The following DLGAP2 variants were observed in gnomAD, a reference collection of about 807,000 sequenced individuals.
The protein encoded by DLGAP2 is DLG associated protein 2.
In DLGAP2, 26 loss-of-function variants were observed where a neutral mutation model predicts 100.3. That is an observed-to-expected ratio of 0.26 (90% confidence interval 0.19 to 0.36). The LOEUF is 0.36. Ranked by LOEUF, DLGAP2 falls within the 10% of genes least tolerant of loss-of-function variation. The probability of loss-of-function intolerance (pLI) is 1.00; values close to 1 mark genes in which losing one functional copy is unlikely to be tolerated. For synonymous variants in DLGAP2, 886 were observed against 630.1 expected (o/e 1.41, Z -6.08); for missense variants, 1,858 against 1,453.2 (o/e 1.28, Z -4.53).
At chr8:1,285,843 C>A (rs1263878391) in intron 3 of DLGAP2, among the ~76,000 whole-genome samples, 1 of 152,146 alleles carries the variant, frequency 6.6e-6, no homozygotes, top group Non-Finnish European at 1.5e-5. Context: ...GTGGCACACA[C>A]CTGCAACCCC....
intron 2 of DLGAP2, among the ~76,000 whole-genome samples, chr8:997,519 A>G (rs1476113617): frequency 6.6e-6 from 1 of 152,222 alleles, no homozygotes; most frequent in Admixed American, 6.5e-5. Flanking sequence ...CACACACAGT[A>G]TAAAATGTAG....
At chr8:1,193,979 C>T (rs545975594) in intron 2 of DLGAP2, among the ~76,000 whole-genome samples, 133 of 152,232 alleles carry the variant, frequency 8.7e-4, no homozygotes, top group Admixed American at 1.9e-3. Flanking sequence ...GGAAGGAAGT[C>T]GTAGTATCTG....
chr8:1,089,222 G>A (rs1328488568), intron 2 of DLGAP2, among the ~76,000 whole-genome samples: 1 of 152,190 alleles, frequency 6.6e-6, no homozygotes, highest in Non-Finnish European at 1.5e-5. Flanking sequence ...CATAGTAGCT[G>A]CTGCAAAAGT....
intron 4 of DLGAP2, among the ~76,000 whole-genome samples, chr8:1,544,590 C>G (rs1403036408): frequency 6.6e-6 from 1 of 152,118 alleles, no homozygotes; most frequent in African/African-American, 2.4e-5. Context: ...TGGCCTTTTC[C>G]CCTTTGTTCT....
intron 1 of DLGAP2, among the ~76,000 whole-genome samples, chr8:879,646 A>T (rs769002986): frequency 1.4e-4 from 22 of 152,194 alleles, no homozygotes; most frequent in Admixed American, 5.9e-4. Flanking sequence ...CTTGTGCTAC[A>T]ACCTCCCTTC....
chr8:1,516,075 A>C (rs1006473345), intron 4 of DLGAP2, among the ~76,000 whole-genome samples: 3 of 150,986 alleles, frequency 2.0e-5, no homozygotes, highest in Non-Finnish European at 4.4e-5. Flanking sequence ...GTAAAAAAGT[A>C]CATGAATGAG....
At chr8:796,545 C>G (rs1027574760) in intron 1 of DLGAP2, among the ~76,000 whole-genome samples, 1 of 152,200 alleles carries the variant, frequency 6.6e-6, no homozygotes, top group Non-Finnish European at 1.5e-5. Flanking sequence ...ATGCCACTCC[C>G]TTTGCTCAGG....
intron 6 of DLGAP2, among the ~76,000 whole-genome samples, chr8:1,598,379 A>T (rs1295316001): frequency 6.6e-6 from 1 of 152,238 alleles, no homozygotes; most frequent in African/African-American, 2.4e-5. Flanking sequence ...CTGGCCTCAT[A>T]AAATGAGTTA....
intron 3 of DLGAP2, among the ~76,000 whole-genome samples, chr8:1,326,488 C>T (rs1801024199): frequency 6.6e-6 from 1 of 152,036 alleles, no homozygotes; most frequent in Non-Finnish European, 1.5e-5. Flanking sequence ...CGGTCTCGGT[C>T]CGGGCCTGTC....
chr8:1,169,489 T>C (rs78449490), intron 2 of DLGAP2, among the ~76,000 whole-genome samples: 86,168 of 151,952 alleles, frequency 0.57, 25,265 homozygotes, highest in Admixed American at 0.66. Flanking sequence ...GCCATTTTCA[T>C]GATATTGATT....
chr8:1,086,708 A>C (rs1370771480), intron 2 of DLGAP2, among the ~76,000 whole-genome samples: 1 of 152,212 alleles, frequency 6.6e-6, no homozygotes, highest in Non-Finnish European at 1.5e-5. Context: ...AAGAATATGT[A>C]ACAATGATAA....
intron 3 of DLGAP2, among the ~76,000 whole-genome samples, chr8:1,478,251 T>C (rs1397322869): frequency 6.6e-6 from 1 of 152,224 alleles, no homozygotes; most frequent in Non-Finnish European, 1.5e-5. Flanking sequence ...TTCTCTGAAC[T>C]GTCTGGGGTA....
At chr8:817,775 C>T (rs1053246241) in intron 1 of DLGAP2, among the ~76,000 whole-genome samples, 1 of 152,192 alleles carries the variant, frequency 6.6e-6, no homozygotes, top group Non-Finnish European at 1.5e-5. Flanking sequence ...AGGCTCTGAG[C>T]TGGTGCTGGG....
rs1314559316 is a variant in DLGAP2, at chr8:1,267,586, A to AATAAAATAAAATAAG, written c.106+8707_106+8708insAATAAAATAAGATAA. Among the ~76,000 whole-genome samples, 5 of 48,406 alleles carry AATAAAATAAAATAAG rather than the reference A, an allele frequency of 1.0e-4. 1 individual carries two copies. Among genetic ancestry groups the AATAAAATAAAATAAG allele is most frequent in the East Asian group, 4.3e-4 (1 of 2,346 alleles). The allele number at this position is 48,406 out of a possible 152,430, so 31.8% of individuals were successfully genotyped here. A position where few individuals can be genotyped will look rare whatever the true frequency, so the allele number is the denominator to read the frequency against. On this transcript the variant is annotated intron_variant, in intron 3 of 14. Transcript: ENST00000637795. ...AATAAAATAAAATAAAATAAAATAAAATAAGATAAGATAAGATAAGATAAG... is the reference window on the plus strand; with the variant it reads ...AATAAAATAAAATAAAATAAAATAAAATAAAATAAAATAAGATAAGATAAGATAAGATAAGATAAG...
chr8:761,780 C>T (rs938479575), intron 1 of DLGAP2, among the ~76,000 whole-genome samples: 1 of 152,196 alleles, frequency 6.6e-6, no homozygotes, highest in Non-Finnish European at 1.5e-5. Context: ...AGCCTGAGGT[C>T]GCGCTGTCCT....
At chr8:1,165,199 A>G (rs1796990832) in intron 2 of DLGAP2, among the ~76,000 whole-genome samples, 1 of 77,066 alleles carries the variant, frequency 1.3e-5, no homozygotes, top group Non-Finnish European at 2.3e-5. Flanking sequence ...GGAAGGAGGG[A>G]GGTAGAGGGG....
chr8:1,704,909 T>G lies in DLGAP2; in HGVS notation c.*3503T>G, dbSNP rs948293861. The G allele has an allele frequency of 1.3e-5, 2 of 152,224 alleles. No individual in the cohort carries two copies. Among genetic ancestry groups the G allele is most frequent in the Admixed American group, 1.3e-4 (2 of 15,276 alleles). The allele number at this position is 152,224 out of a possible 1,614,324, so 9.4% of individuals were successfully genotyped here. ...CACATGTGCACAGGTTCTGATTATT[T>G]CTCTTGGAGCATATGTCCTTGTCTT... is the stretch of plus-strand genomic sequence containing the variant. On this transcript the variant is annotated 3_prime_UTR_variant, in exon 15 of 15. Coordinates refer to ENST00000637795, the MANE Select transcript of DLGAP2 (RefSeq NM_001346810.2).
At chr8:1,363,733 G>T (rs1585301619) in intron 3 of DLGAP2, among the ~76,000 whole-genome samples, 1 of 152,246 alleles carries the variant, frequency 6.6e-6, no homozygotes, top group East Asian at 1.9e-4. Context: ...CGCTCTGGCA[G>T]CTCCTCTCTG....
chr8:1,296,310 C>G (rs1478225894), intron 3 of DLGAP2: 1 of 152,168 alleles, frequency 6.6e-6, no homozygotes, highest in Non-Finnish European at 1.5e-5. Context: ...TCAATTATAA[C>G]TTTATAAATA....
Sources: allele counts gnomAD v4.1 joint callset (sites outside exome capture counted in the v4.1 genomes callset), GRCh38; gene constraint gnomAD v4.1.1; transcripts MANE v1.5; gene names NCBI Gene and HGNC (gene_info 2026-07-23, HGNC 2026-07-21).